Variants in PSKH2 observed in about 807,000 individuals in gnomAD.
The protein encoded by PSKH2 is protein serine kinase H2, also known as serine/threonine-protein kinase H2.
In PSKH2, 16 loss-of-function variants were observed where a neutral mutation model predicts 22.5. The ratio of observed to expected loss-of-function variants is 0.71; its 90% CI spans 0.48 to 1.08. The LOEUF (loss-of-function observed/expected upper bound fraction) is 1.08. Among genes scored for constraint, PSKH2 ranks in the 50% least tolerant of loss-of-function variants. The pLI, the probability that PSKH2 is intolerant of heterozygous loss-of-function variation, is 0.00. For missense variants in PSKH2, 516 were observed against 492.8 expected, an observed-to-expected ratio of 1.05 and a Z score of -0.44; for synonymous variants, 188 against 184.8, an observed-to-expected ratio of 1.02 and a Z score of -0.14.
intron 1 of PSKH2, among the ~76,000 whole-genome samples, chr8:86,068,664 G>T (rs1332126195): frequency 1.3e-5 from 2 of 152,174 alleles, no homozygotes; most frequent in East Asian, 3.9e-4. Flanking sequence ...TGGACCTCAA[G>T]TCTGGCTGAC....
intron 2 of PSKH2, among the ~76,000 whole-genome samples, chr8:86,057,222 C>T (rs940263791): frequency 2.6e-5 from 4 of 151,214 alleles, no homozygotes; most frequent in Non-Finnish European, 4.4e-5. Flanking sequence ...CCATGCCTGG[C>T]CCAGATCGTG....
intron 1 of PSKH2, among the ~76,000 whole-genome samples, chr8:86,068,502 C>T (rs892467176): frequency 1.3e-5 from 2 of 152,172 alleles, no homozygotes; most frequent in African/African-American, 4.8e-5. Flanking sequence ...AGGACTGGTA[C>T]CATGCACTGT....
Position 86,063,975 on chromosome 8 carries a change from T to C in PSKH2, c.842A>G (p.Tyr281Cys), listed in dbSNP as rs950865129. ...YRKILKGKYN[Y>C]TGEPWPSISH... Reference sequence around the variant, plus strand: ...ATAATGCTCTCTTACCTCTCCTGTATAATTATATTTGCCTTTCAGAATCTT... The same window carrying C: ...ATAATGCTCTCTTACCTCTCCTGTACAATTATATTTGCCTTTCAGAATCTT... Residue 281 changes from tyrosine to cysteine, a missense_variant, in exon 2 of 3, where the codon TAT becomes TGT. Transcript: ENST00000276616. 3.7e-6 allele frequency: 6 copies of C among 1,612,062 alleles called. No individual in the cohort carries two copies. Among genetic ancestry groups the C allele is most frequent in the South Asian group, 1.1e-5 (1 of 90,814 alleles).
At chr8:86,058,063 T>C (rs1180911872) in intron 2 of PSKH2, among the ~76,000 whole-genome samples, 1 of 152,216 alleles carries the variant, frequency 6.6e-6, no homozygotes, top group Non-Finnish European at 1.5e-5. Context: ...TGCCTTCAAA[T>C]GGTCTCCATA....
chr8:86,065,552 C>G (rs890182797), intron 1 of PSKH2, among the ~76,000 whole-genome samples: 2 of 152,152 alleles, frequency 1.3e-5, no homozygotes, highest in African/African-American at 4.8e-5. Context: ...CGTAACAAAC[C>G]TGCACATCCT....
intron 1 of PSKH2, among the ~76,000 whole-genome samples, chr8:86,068,947 C>T (rs565942817): frequency 6.6e-6 from 1 of 152,170 alleles, no homozygotes; most frequent in Admixed American, 6.5e-5. Context: ...AGAAATTGTA[C>T]TGGGCACTTA....
At chr8:86,058,834 A>T (rs1299491217) in intron 2 of PSKH2, among the ~76,000 whole-genome samples, 4 of 152,242 alleles carry the variant, frequency 2.6e-5, no homozygotes, top group Non-Finnish European at 5.9e-5. Context: ...TGGCTCTGTT[A>T]GATATTAGTA....
At position 86,048,751 on chromosome 8, in the gene PSKH2, G is replaced by A. The variant is rs757768841; in HGVS notation, c.869C>T (p.Ser290Phe). The A allele has an allele frequency of 8.7e-6, 14 of 1,608,236 alleles. No homozygotes were observed. Among genetic ancestry groups the A allele is most frequent in the Non-Finnish European group, 1.2e-5 (14 of 1,175,850 alleles). ...NYTGEPWPSI[S>F]HLAKDFIDKL... ...GTCTATAAAGTCCTTCGCCAAGTGGGAAATGCTTGGCCAAGGCTGAGAATA... is the reference window on the plus strand; with the variant it reads ...GTCTATAAAGTCCTTCGCCAAGTGGAAAATGCTTGGCCAAGGCTGAGAATA... The change falls in exon 3 of 3, where the codon TCC becomes TTC. Residue 290 changes from serine (S) to phenylalanine (F), a missense_variant. Transcript: ENST00000276616.
chr8:86,065,713 G>A (rs1015167078), intron 1 of PSKH2, among the ~76,000 whole-genome samples: 44 of 152,162 alleles, frequency 2.9e-4, no homozygotes, highest in African/African-American at 1.1e-3. Context: ...TGGGCTCATC[G>A]TGTAATCCCA....
intron 1 of PSKH2, among the ~76,000 whole-genome samples, chr8:86,068,419 A>G (rs1328193685): frequency 6.6e-6 from 1 of 152,220 alleles, no homozygotes; most frequent in African/African-American, 2.4e-5. Flanking sequence ...AACCAACCTG[A>G]AATCTTCTAC....
In PSKH2 at chr8:86,064,336, C is replaced by T. The variant is rs368177832; in HGVS notation, c.481G>A (p.Val161Ile). 1.5e-5 allele frequency: 25 copies of T among 1,614,038 alleles called. No individual in the cohort carries two copies. Among genetic ancestry groups the T allele is most frequent in the Middle Eastern group, 1.6e-4 (1 of 6,084 alleles). ...TCAGCAACCATCTGGAGGATCCTGACGGCATCCCGCTCTGTAAAGGATCCC... is the reference window on the plus strand; with the variant it reads ...TCAGCAACCATCTGGAGGATCCTGATGGCATCCCGCTCTGTAAAGGATCCC... ...AQGSFTERDA[V>I]RILQMVADGI... The change falls in exon 2 of 3, where the codon GTC becomes ATC. Residue 161 changes from valine (V) to isoleucine (I), a missense_variant. Transcript: ENST00000276616.
chr8:86,064,735 A>G, intron 1 of PSKH2, 104 bp from the exon 2 acceptor site: 2 of 906,796 alleles, frequency 2.2e-6, no homozygotes, highest in Non-Finnish European at 3.3e-6. Flanking sequence ...TATTCCTCCC[A>G]TCAGATTTAT....
At chr8:86,056,723 C>T (rs1309267063) in intron 2 of PSKH2, among the ~76,000 whole-genome samples, 2 of 152,096 alleles carry the variant, frequency 1.3e-5, no homozygotes, top group Admixed American at 1.3e-4. Context: ...GTCTCAGCAC[C>T]TACATCTATT....
intron 2 of PSKH2, among the ~76,000 whole-genome samples, chr8:86,055,594 G>A (rs1817689075): frequency 6.6e-6 from 1 of 152,128 alleles, no homozygotes; most frequent in Admixed American, 6.6e-5. Flanking sequence ...CTAAACCATA[G>A]GAATGGGAAC....
chr8:86,063,698 G>A (rs1156292540), intron 2 of PSKH2, among the ~76,000 whole-genome samples: 1 of 152,164 alleles, frequency 6.6e-6, no homozygotes, highest in Non-Finnish European at 1.5e-5. Flanking sequence ...AGTAATGGAG[G>A]CCCTTGCTAT....
Position 86,069,453 on chromosome 8 carries a change from G to C in PSKH2, c.170C>G (p.Pro57Arg), listed in dbSNP as rs1817912315. 8.2e-6 allele frequency: 13 copies of C among 1,593,040 alleles called. No individual in the cohort carries two copies. Among genetic ancestry groups the C allele is most frequent in the Non-Finnish European group, 1.1e-5 (13 of 1,170,062 alleles). ...QVARFRAKFD[P>R]RVLARYDIKA... is the part of the protein sequence containing the mutation. ...GGCGCTTTACCTGGCAAGGACCCGGGGGTCGAACTTGGCTCGGAAGCGAGC... is the reference window on the plus strand; with the variant it reads ...GGCGCTTTACCTGGCAAGGACCCGGCGGTCGAACTTGGCTCGGAAGCGAGC... The change falls in exon 1 of 3, where the codon CCC becomes CGC. Residue 57 changes from proline to arginine, a missense_variant. By Grantham distance (103) the Pro-to-Arg change is moderately radical. Coordinates refer to ENST00000276616, the MANE Select transcript of PSKH2 (RefSeq NM_033126.3).
Position 86,064,202 on chromosome 8 carries a change from A to T in PSKH2, c.615T>A (p.Phe205Leu). ...GEESKILITD[F>L]GLAYSGKKSG... ...TTTTTTTCCCGGAGTATGCCAAACC[A>T]AAATCTGTAATTAAAATTTTCGACT... Residue 205 changes from phenylalanine (F) to leucine (L), a missense_variant, in exon 2 of 3, where the codon TTT (phenylalanine) becomes TTA (leucine). By Grantham distance (22) the Phe-to-Leu change is conservative. Coordinates refer to ENST00000276616, the MANE Select transcript of PSKH2 (RefSeq NM_033126.3). The T allele has an allele frequency of 1.2e-6, 2 of 1,614,108 alleles. No homozygotes were observed. The highest frequency in any genetic ancestry group is 2.2e-5 in the South Asian group (2 of 91,074).
In PSKH2 at chr8:86,064,414, TG is replaced by T; in HGVS notation, c.402del (p.Tyr134Ter). The T allele has an allele frequency of 6.2e-7, 1 of 1,614,184 alleles. No individual in the cohort carries two copies. The highest frequency in any genetic ancestry group is 8.5e-7 in the Non-Finnish European group (1 of 1,180,032). On this transcript the variant is annotated frameshift_variant, in exon 2 of 3. Transcript: ENST00000276616. LOFTEE classifies it high-confidence loss of function. ...CCTCCGGTAGCCAGCTCCATTACCA[TG>T]TAAACTTGATCCTCAGTCTCAAAGA... ...MEIFETEDQVYMVMELATGGE... is the reference protein window; with the variant it reads ...MEIFETEDQVXMVMELATGGE...
chr8:86,061,073 C>A (rs1013702381), intron 2 of PSKH2, among the ~76,000 whole-genome samples: 1 of 152,150 alleles, frequency 6.6e-6, no homozygotes, highest in Non-Finnish European at 1.5e-5. Context: ...CCTCAGTGAC[C>A]AACAGATAGG....
Sources: allele counts gnomAD v4.1 joint callset (sites outside exome capture counted in the v4.1 genomes callset), GRCh38; gene constraint gnomAD v4.1.1; transcripts MANE v1.5; gene names NCBI Gene and HGNC (gene_info 2026-07-23, HGNC 2026-07-21).